The following NRG1 variants were observed in gnomAD, a reference collection of about 807,000 sequenced individuals.
The protein encoded by NRG1 is pro-neuregulin-1, membrane-bound isoform.
Under a neutral mutation model 63.8 loss-of-function variants are expected in NRG1, and 18 were observed. The ratio of observed to expected loss-of-function variants is 0.28; its 90% CI spans 0.19 to 0.42. The LOEUF (loss-of-function observed/expected upper bound fraction) is 0.42. NRG1 is among the 10% of genes least tolerant of loss of function. The pLI is 1.00. For synonymous variants in NRG1, 302 were observed against 301.3 expected, an observed-to-expected ratio of 1.00 and a Z score of -0.02; for missense variants, 762 against 814.7, an observed-to-expected ratio of 0.94 and a Z score of 0.79.
chr8:32,548,221 A>C, upstream of NRG1: 1 of 982,900 alleles, frequency 1.0e-6, no homozygotes. Context: ...AGGCCAGGGG[A>C]GGGTGCGAAG....
intron 3 of NRG1, among the ~76,000 whole-genome samples, chr8:32,610,518 TAA>T (rs1440599038): frequency 6.6e-6 from 1 of 152,172 alleles, no homozygotes; most frequent in Non-Finnish European, 1.5e-5. Flanking sequence ...GATTAGTGAC[TAA>T]ATATAAACGA....
chr8:31,940,700 G>A (rs1422707099), intron 1 of NRG1, among the ~76,000 whole-genome samples: 1 of 152,022 alleles, frequency 6.6e-6, no homozygotes, highest in Non-Finnish European at 1.5e-5. Context: ...ATCGTAATTA[G>A]AAATGAAATG....
intron 1 of NRG1, among the ~76,000 whole-genome samples, chr8:32,137,136 G>T (rs932082136): frequency 3.9e-5 from 6 of 152,020 alleles, no homozygotes; most frequent in Non-Finnish European, 8.8e-5. Context: ...AGTCACCAGT[G>T]TCTTCTTGTA....
At chr8:31,941,665 C>G (rs1033829511) in intron 1 of NRG1, among the ~76,000 whole-genome samples, 1 of 152,028 alleles carries the variant, frequency 6.6e-6, no homozygotes, top group African/African-American at 2.4e-5. Flanking sequence ...CCAAAAAGCT[C>G]CTAGAACTGG....
intron 1 of NRG1, among the ~76,000 whole-genome samples, chr8:32,317,924 A>G (rs964077829): frequency 6.6e-6 from 1 of 152,188 alleles, no homozygotes; most frequent in African/African-American, 2.4e-5. Flanking sequence ...CTAAGTTTCT[A>G]TATGACGCCA....
intron 1 of NRG1, among the ~76,000 whole-genome samples, chr8:32,588,295 G>A (rs1841974155): frequency 6.6e-6 from 1 of 152,084 alleles, no homozygotes; most frequent in African/African-American, 2.4e-5. Context: ...CATCTTCAAT[G>A]GCCTTAGCAT....
At chr8:32,269,938 A>G (rs1011085857) in intron 1 of NRG1, among the ~76,000 whole-genome samples, 19 of 152,206 alleles carry the variant, frequency 1.2e-4, no homozygotes, top group African/African-American at 4.1e-4. Flanking sequence ...CAATGTGATT[A>G]GAGTGCTTGT....
chr8:32,710,066 T>G (rs972990572), intron 5 of NRG1, among the ~76,000 whole-genome samples: 2 of 152,234 alleles, frequency 1.3e-5, no homozygotes, highest in Non-Finnish European at 2.9e-5. Context: ...TGTTAACTAT[T>G]TAGAACAGCC....
chr8:32,769,043 A>G (rs908345410), downstream of NRG1, among the ~76,000 whole-genome samples: 1 of 152,232 alleles, frequency 6.6e-6, no homozygotes, highest in Non-Finnish European at 1.5e-5. Context: ...TTTCATGCAC[A>G]TACAAACACA....
chr8:32,749,420 A>G, intron 7 of NRG1: 4 of 866,744 alleles, frequency 4.6e-6, no homozygotes, highest in Non-Finnish European at 7.6e-6. Context: ...CTTCTTAACC[A>G]CACACCATTT....
At chr8:32,056,640 C>A (rs1822993631) in intron 1 of NRG1, among the ~76,000 whole-genome samples, 1 of 152,042 alleles carries the variant, frequency 6.6e-6, no homozygotes, top group Non-Finnish European at 1.5e-5. Context: ...TAATCATATC[C>A]TTTATTTTTA....
intron 1 of NRG1, among the ~76,000 whole-genome samples, chr8:31,869,371 C>A (rs1473075036): frequency 6.6e-6 from 1 of 152,088 alleles, no homozygotes; most frequent in Non-Finnish European, 1.5e-5. Context: ...GTCACTTGAC[C>A]ATGCAGCCAC....
At chr8:31,906,605 C>T (rs1832538823) in intron 1 of NRG1, among the ~76,000 whole-genome samples, 1 of 152,102 alleles carries the variant, frequency 6.6e-6, no homozygotes, top group African/African-American at 2.4e-5. Context: ...TCATTCCGAG[C>T]AGTACTTTTA....
chr8:32,521,217 A>G lies in NRG1; in HGVS notation c.38-74611A>G, dbSNP rs115999407. 5.2e-3 allele frequency among the ~76,000 whole-genome samples: 789 copies of G among 152,302 alleles called. 5 individuals carry two copies. The highest frequency in any genetic ancestry group is 0.018 in the African/African-American group (749 of 41,574). The stretch of plus-strand genomic sequence containing the variant: ...CCTTGTGGATAACGGGGACCACTGT[A>G]GAGGCAAATGGATATAGAATATCCT... On this transcript the variant is annotated intron_variant, in intron 1 of 10. Coordinates refer to the NRG1 transcript ENST00000519301.
chr8:32,664,513 C>A (rs549099195), intron 5 of NRG1, among the ~76,000 whole-genome samples: 1 of 151,932 alleles, frequency 6.6e-6, no homozygotes, highest in Non-Finnish European at 1.5e-5. Flanking sequence ...TTGCTGATAG[C>A]GAACATTTAT....
chr8:32,256,040 C>T (rs1233596518), intron 1 of NRG1, among the ~76,000 whole-genome samples: 1 of 152,168 alleles, frequency 6.6e-6, no homozygotes, highest in African/African-American at 2.4e-5. Context: ...AGTTCTCATG[C>T]AGTGTTTTTC....
chr8:32,357,732 G>C (rs549078132), intron 1 of NRG1, among the ~76,000 whole-genome samples: 1 of 152,262 alleles, frequency 6.6e-6, no homozygotes, highest in African/African-American at 2.4e-5. Flanking sequence ...ATTCACTAAA[G>C]TGTTATTAAG....
intron 5 of NRG1, among the ~76,000 whole-genome samples, chr8:32,646,484 A>G (rs1853566569): frequency 6.6e-6 from 1 of 152,166 alleles, no homozygotes; most frequent in South Asian, 2.1e-4. Flanking sequence ...TTACCTCTCT[A>G]GGGAGGAATC....
intron 1 of NRG1, among the ~76,000 whole-genome samples, chr8:31,772,700 C>A (rs1408693110): frequency 6.6e-6 from 1 of 152,100 alleles, no homozygotes; most frequent in African/African-American, 2.4e-5. Flanking sequence ...ATATTTTCTG[C>A]TTCCTTCCTT....
Sources: gnomAD v4.1 joint callset for allele counts (sites outside exome capture counted in the v4.1 genomes callset) on GRCh38, gnomAD v4.1.1 for gene constraint, MANE v1.5 for transcripts, NCBI Gene and HGNC (gene_info 2026-07-23, HGNC 2026-07-21) for gene names.